The following PCDHGA5 variants were observed in gnomAD, a reference collection of about 807,000 sequenced individuals.
PCDHGA5 encodes the protein protocadherin gamma subfamily A, 5.
A neutral mutation model predicts 56.7 loss-of-function variants in PCDHGA5; 36 were observed. The ratio of observed to expected loss-of-function variants is 0.64; its 90% confidence interval spans 0.49 to 0.84. The LOEUF (loss-of-function observed/expected upper bound fraction) is 0.84. Ranked by LOEUF, PCDHGA5 falls within the 40% of genes least tolerant of loss-of-function variation. PCDHGA5 has a pLI of 0.00. For synonymous variants in PCDHGA5, 563 were observed against 520.2 expected (o/e 1.08, Z -1.12); for missense variants, 1,305 against 1,201.5 (o/e 1.09, Z -1.27).
chr5:141,419,389 G>C (rs551951411), intron 1 of PCDHGA5: 1 of 1,613,670 alleles, frequency 6.2e-7, no homozygotes, highest in South Asian at 1.1e-5. Context: ...TGAGCGCGCA[G>C]AGCGGGGTGG....
At chr5:141,370,514 G>C (rs1295709231) in intron 1 of PCDHGA5, 2 of 1,613,894 alleles carry the variant, frequency 1.2e-6, no homozygotes, top group East Asian at 2.2e-5. Context: ...TTCCCGAGGA[G>C]CTGGACAGGG....
At chr5:141,379,467 G>A (rs1337785290) in intron 1 of PCDHGA5, 1 of 152,222 alleles carries the variant, frequency 6.6e-6, no homozygotes, top group Non-Finnish European at 1.5e-5. Context: ...CTCTGAAAGT[G>A]TGAATGTTAT....
chr5:141,461,591 C>T (rs1368759571), intron 1 of PCDHGA5, among the ~76,000 whole-genome samples: 1 of 152,088 alleles, frequency 6.6e-6, no homozygotes, highest in Non-Finnish European at 1.5e-5. Flanking sequence ...GTTATATTTC[C>T]ATTATAATTT....
intron 1 of PCDHGA5, among the ~76,000 whole-genome samples, chr5:141,436,713 G>C (rs2097842329): frequency 6.6e-6 from 1 of 152,308 alleles, no homozygotes; most frequent in East Asian, 1.9e-4. Flanking sequence ...TCGATGTTCT[G>C]TTGGGAAAAA....
At chr5:141,505,332 A>C in intron 2 of PCDHGA5, 61 bp from the exon 3 acceptor site, 1 of 1,610,872 alleles carries the variant, frequency 6.2e-7, no homozygotes, top group South Asian at 1.1e-5. Flanking sequence ...GGGAGAGGAC[A>C]GGAGGGGCAT....
Position 141,366,502 on chromosome 5 carries a change from G to A in PCDHGA5, c.2172G>A (p.Leu724=), listed in dbSNP as rs1764600117. The change falls in exon 1 of 4, where the codon CTG becomes CTA. Residue 724 remains leucine (L), a synonymous_variant. Coordinates refer to ENST00000518069, the MANE Select transcript of PCDHGA5 (RefSeq NM_018918.3). The stretch of plus-strand genomic sequence containing the variant: ...TGAGGCGCTGGCACAAGTCACGCCT[G>A]CTTCAGGCTGAAGGCAGCAGGTTGG... The part of the protein sequence containing the change: ...LRLRRWHKSR[L]LQAEGSRLAG... 3 of 1,614,150 alleles carry A rather than the reference G, an allele frequency of 1.9e-6. No homozygotes were observed. Among genetic ancestry groups the A allele is most frequent in the Non-Finnish European group, 1.7e-6 (2 of 1,180,060 alleles).
intron 1 of PCDHGA5, chr5:141,415,452 C>G (rs2095870569): frequency 1.9e-6 from 3 of 1,614,122 alleles, no homozygotes; most frequent in Admixed American, 1.7e-5. Context: ...CCTATTCCCA[C>G]GAGGTCTCTC....
At chr5:141,482,801 G>C (rs1230060558) in intron 1 of PCDHGA5, among the ~76,000 whole-genome samples, 1 of 152,176 alleles carries the variant, frequency 6.6e-6, no homozygotes, top group African/African-American at 2.4e-5. Flanking sequence ...GCCGGGTACG[G>C]TGGCTCATGC....
At chr5:141,481,795 T>C (rs2154579318) in intron 1 of PCDHGA5, among the ~76,000 whole-genome samples, 1 of 150,244 alleles carries the variant, frequency 6.7e-6, no homozygotes, top group South Asian at 2.1e-4. Context: ...CTACTAAAAA[T>C]ACAAAAATTC....
chr5:141,399,001 T>G, intron 1 of PCDHGA5: 1 of 1,613,890 alleles, frequency 6.2e-7, no homozygotes, highest in Non-Finnish European at 8.5e-7. Context: ...TAGTCTGAAT[T>G]CAAAGAGCGG....
chr5:141,381,826 C>CTTCTTTTTTTTT (rs1777532522), intron 1 of PCDHGA5, among the ~76,000 whole-genome samples: 2 of 74,284 alleles, frequency 2.7e-5, no homozygotes, highest in African/African-American at 1.2e-4. Flanking sequence ...CTTTCTTCTT[C>CTTCTTTTTTTTT]TTTTTTTTTT....
Position 141,476,641 on chromosome 5 carries a change from C to A in PCDHGA5, c.2422-18166C>A, listed in dbSNP as rs1183948220. The A allele has an allele frequency of 1.2e-6, 2 of 1,614,256 alleles. No homozygotes were observed. The highest frequency in any genetic ancestry group is 1.7e-5 in the Admixed American group (1 of 60,030). On this transcript the variant is annotated intron_variant, in intron 1 of 3. Transcript: ENST00000518069. This position sits in a 1 kb window ranked among gnomAD's most constrained non-coding sequence, Gnocchi z 7.6. ...ACTCTTTACAAACCTATGAGCTGAG[C>A]CGAAATGAATACTTTGCGCTTCGCG... is the stretch of plus-strand genomic sequence containing the variant.
At chr5:141,372,316 G>A (rs1188130035) in intron 1 of PCDHGA5, 6 of 1,613,520 alleles carry the variant, frequency 3.7e-6, no homozygotes, top group Non-Finnish European at 5.1e-6. Flanking sequence ...GCCCGCCAGC[G>A]CCTGCTGGTC....
At chr5:141,408,423 A>G (rs2095103444) in intron 1 of PCDHGA5, 1 of 1,614,078 alleles carries the variant, frequency 6.2e-7, no homozygotes. Flanking sequence ...GAGAAGCTGC[A>G]CTTCAGCGTA....
chr5:141,497,122 G>A (rs1407489807), intron 2 of PCDHGA5, among the ~76,000 whole-genome samples: 1 of 151,992 alleles, frequency 6.6e-6, no homozygotes, highest in East Asian at 1.9e-4. Flanking sequence ...GAAGGCAGAG[G>A]TTGCAGTGAG....
intron 1 of PCDHGA5, chr5:141,420,309 A>G (rs1263620304): frequency 2.7e-6 from 4 of 1,460,536 alleles, no homozygotes; most frequent in Non-Finnish European, 3.7e-6. Context: ...TCCTTTTTAT[A>G]TTACAATATG....
rs911461762 is a variant in PCDHGA5 at position 141,512,938 on chromosome 5, T to C, written c.*1765T>C. The stretch of plus-strand genomic sequence containing the variant: ...ACTCTAATATTTATATGGCTTTTTT[T>C]CTTCGACAAAAAAATAATAAAACGT... On this transcript the variant is annotated 3_prime_UTR_variant, in exon 4 of 4. Coordinates refer to ENST00000518069, the MANE Select transcript of PCDHGA5 (RefSeq NM_018918.3). 6.6e-6 allele frequency: 1 copy of C among 151,928 alleles called. No homozygotes were observed. Among genetic ancestry groups the C allele is most frequent in the Non-Finnish European group, 1.5e-5 (1 of 67,934 alleles). The allele number at this position is 151,928 out of a possible 1,614,324, so 9.4% of individuals were successfully genotyped here.
chr5:141,486,089 G>T lies in PCDHGA5; in HGVS notation c.2422-8718G>T, dbSNP rs2099624123. On this transcript the variant is annotated intron_variant, in intron 1 of 3. Coordinates refer to ENST00000518069, the MANE Select transcript of PCDHGA5 (RefSeq NM_018918.3). The surrounding 1 kb of genome is among the most constrained non-coding windows in gnomAD (Gnocchi z 5.0). ...CACTACTGGAAAGCTTACTCTTTTG[G>T]GGCCCCTAGACTTTGAGAGTGAGAA... is the stretch of plus-strand genomic sequence containing the variant. 1 of 1,614,084 alleles carries T rather than the reference G, an allele frequency of 6.2e-7. No individual in the cohort carries two copies. The highest frequency in any genetic ancestry group is 8.5e-7 in the Non-Finnish European group (1 of 1,180,014).
At position 141,432,476 on chromosome 5, in the gene PCDHGA5, A is replaced by T. The variant is rs778378071; in HGVS notation, c.2422-62331A>T. On this transcript the variant is annotated intron_variant, in intron 1 of 3. Transcript: ENST00000518069. This position sits in a 1 kb window ranked among gnomAD's most constrained non-coding sequence, Gnocchi z 6.0. ...CCCCGCCCTCCCCACGGACGGTTCC[A>T]CTGGCGTGGAGCTGGCTCCCCGCTC... 4.6e-5 allele frequency: 75 copies of T among 1,613,962 alleles called. No homozygotes were observed. In the South Asian group the frequency reaches 7.9e-4, roughly 17 times the overall value.
Sources: gnomAD v4.1 joint callset for allele counts (sites outside exome capture counted in the v4.1 genomes callset) on GRCh38, gnomAD v4.1.1 for gene constraint, Gnocchi (gnomAD v3.1) non-coding constraint, MANE v1.5 for transcripts, NCBI Gene and HGNC (gene_info 2026-07-23, HGNC 2026-07-21) for gene names.